Variants in CADM1 observed in about 807,000 individuals in gnomAD.
The protein encoded by CADM1 is TSLC-1.
CADM1 carries 15 observed loss-of-function variants against 53.1 expected under a neutral mutation model. The observed-to-expected ratio is 0.28, with a 90% confidence interval of 0.19 to 0.44. CADM1 has a LOEUF of 0.44. Among genes scored for constraint, CADM1 ranks in the 20% least tolerant of loss-of-function variants. CADM1 has a pLI of 1.00. For missense variants in CADM1, 434 were observed against 611.3 expected, an observed-to-expected ratio of 0.71 and a Z score of 3.06; for synonymous variants, 281 against 243.0, an observed-to-expected ratio of 1.16 and a Z score of -1.45.
intron 1 of CADM1, among the ~76,000 whole-genome samples, chr11:115,407,465 T>C (rs1454211622): frequency 1.3e-5 from 2 of 152,104 alleles, no homozygotes; most frequent in East Asian, 3.9e-4. Flanking sequence ...GGAGCATTTG[T>C]TTTCATTAAG....
intron 1 of CADM1, among the ~76,000 whole-genome samples, chr11:115,330,321 C>T (rs1945097919): frequency 6.6e-6 from 1 of 152,092 alleles, no homozygotes; most frequent in South Asian, 2.1e-4. Flanking sequence ...ACTGAGTTTA[C>T]AAAGCACAGC....
At chr11:115,297,230 G>A (rs146859716) in intron 1 of CADM1, among the ~76,000 whole-genome samples, 11 of 152,304 alleles carry the variant, frequency 7.2e-5, no homozygotes, top group African/African-American at 2.6e-4. Flanking sequence ...GGGAAATTTT[G>A]TGTTAACTAT....
At chr11:115,501,697 G>A (rs527263499) in intron 1 of CADM1, among the ~76,000 whole-genome samples, 1 of 152,216 alleles carries the variant, frequency 6.6e-6, no homozygotes, top group Admixed American at 6.5e-5. Context: ...GTCCTAATTC[G>A]CTTTCCCAGC....
chr11:115,208,001 C>G (rs1426122309), intron 8 of CADM1, among the ~76,000 whole-genome samples: 2 of 152,134 alleles, frequency 1.3e-5, no homozygotes, highest in Admixed American at 1.3e-4. Context: ...CTCTGGAAAT[C>G]AGAGTTAGGA....
At chr11:115,275,557 A>T (rs182142867) in intron 1 of CADM1, among the ~76,000 whole-genome samples, 96 of 152,340 alleles carry the variant, frequency 6.3e-4, no homozygotes, top group Admixed American at 6.3e-3. Flanking sequence ...TAGCATAGGG[A>T]CACATGAATT....
At chr11:115,250,201 C>A (rs1444625905) in intron 1 of CADM1, among the ~76,000 whole-genome samples, 1 of 152,208 alleles carries the variant, frequency 6.6e-6, no homozygotes, top group African/African-American at 2.4e-5. Context: ...CTGTGCCCAC[C>A]CTTACCAGTT....
At chr11:115,503,091 GC>G (rs1455043902) in intron 1 of CADM1, among the ~76,000 whole-genome samples, 2 of 152,152 alleles carry the variant, frequency 1.3e-5, no homozygotes, top group Admixed American at 6.5e-5. Context: ...CCCGCCTGGA[GC>G]CTGCAGCAGG....
chr11:115,333,172 T>A (rs1474088140), intron 1 of CADM1, among the ~76,000 whole-genome samples: 1 of 152,158 alleles, frequency 6.6e-6, no homozygotes, highest in Non-Finnish European at 1.5e-5. Context: ...ATTTTCCCAA[T>A]GGTGTCCTAA....
rs896239337 is a variant in CADM1, at chr11:115,467,843, T to C, written c.124+36428A>G. On this transcript the variant is annotated intron_variant, in intron 1 of 11. Transcript: ENST00000331581. ...AAAAGAAAAAAAATCCAAAGAACTT[T>C]AAAAATTTTTTAAATCACATACCCA... Among the ~76,000 whole-genome samples the C allele has an allele frequency of 2.6e-5, 4 of 152,214 alleles. No homozygotes were observed. In the East Asian group the frequency reaches 7.7e-4, roughly 29 times the overall value.
chr11:115,364,607 C>T (rs1946112066), intron 1 of CADM1, among the ~76,000 whole-genome samples: 1 of 151,964 alleles, frequency 6.6e-6, no homozygotes. Flanking sequence ...CACATCCACT[C>T]TGGTCATATT....
At chr11:115,238,357 A>G (rs1169212918) in intron 3 of CADM1, 143 bp downstream of exon 3, 1 of 912,586 alleles carries the variant, frequency 1.1e-6, no homozygotes, top group Non-Finnish European at 1.8e-6. Flanking sequence ...AAAATAGGCT[A>G]TTTTTAAAAT....
At chr11:115,306,935 C>G (rs1160608479) in intron 1 of CADM1, among the ~76,000 whole-genome samples, 1 of 151,914 alleles carries the variant, frequency 6.6e-6, no homozygotes, top group Non-Finnish European at 1.5e-5. Flanking sequence ...CTTAATTACC[C>G]ATGCTTCACT....
Position 115,175,785 on chromosome 11 carries a change from A to G in CADM1, c.*689T>C, listed in dbSNP as rs1938999486. The G allele has an allele frequency of 1.0e-6, 1 of 993,176 alleles. No homozygotes were observed. Among genetic ancestry groups the G allele is most frequent in the Admixed American group, 5.7e-5 (1 of 17,654 alleles). The allele number at this position is 993,176 out of a possible 1,614,324, so 61.5% of individuals were successfully genotyped here. ...AATGTAGTTCCACAGCAAACAGAAC[A>G]TTTTCTGAATCACAGTCTAATTTTC... On this transcript the variant is annotated 3_prime_UTR_variant, in exon 12 of 12. Transcript: ENST00000331581.
chr11:115,328,934 T>C (rs1243519694), intron 1 of CADM1, among the ~76,000 whole-genome samples: 1 of 150,604 alleles, frequency 6.6e-6, no homozygotes, highest in Non-Finnish European at 1.5e-5. Flanking sequence ...TTCTGTTTTC[T>C]ATATTAACTT....
chr11:115,218,667 CAGAG>C (rs545390524), intron 5 of CADM1, among the ~76,000 whole-genome samples: 1 of 152,278 alleles, frequency 6.6e-6, no homozygotes, highest in South Asian at 2.1e-4. Flanking sequence ...TCCAAGATCA[CAGAG>C]AGAGAGACAG....
At chr11:115,404,844 GAAAAAAAAAAAA>G (rs774430187) in intron 1 of CADM1, among the ~76,000 whole-genome samples, 1 of 52,386 alleles carries the variant, frequency 1.9e-5, no homozygotes, top group South Asian at 6.7e-4. Flanking sequence ...CCTGCCTCAG[GAAAAAAAAAAAA>G]AAAAAAAAGA....
chr11:115,169,462 C>A lies in CADM1; in HGVS notation c.*7012G>T. The A allele has an allele frequency of 5.1e-6, 2 of 393,706 alleles. No homozygotes were observed. Among genetic ancestry groups the A allele is most frequent in the South Asian group, 3.9e-5 (2 of 51,860 alleles). The allele number at this position is 393,706 out of a possible 1,614,324, so 24.4% of individuals were successfully genotyped here. A position where few individuals can be genotyped will look rare whatever the true frequency, so the allele number is the denominator to read the frequency against. On this transcript the variant is annotated 3_prime_UTR_variant, in exon 12 of 12. Transcript: ENST00000331581. ...ATACAATTTCAGCAGCAGCAATGGGCTTTGGCAGGGAAGTAGGAGCAAAAA... is the reference window on the plus strand; with the variant it reads ...ATACAATTTCAGCAGCAGCAATGGGATTTGGCAGGGAAGTAGGAGCAAAAA...
At chr11:115,266,916 T>G (rs576654490) in intron 1 of CADM1, among the ~76,000 whole-genome samples, 1 of 152,394 alleles carries the variant, frequency 6.6e-6, no homozygotes, top group East Asian at 1.9e-4. Context: ...GAAATTGTTT[T>G]AACCGTGATG....
At chr11:115,447,412 G>T (rs756628247) in intron 1 of CADM1, among the ~76,000 whole-genome samples, 1 of 152,126 alleles carries the variant, frequency 6.6e-6, no homozygotes, top group Non-Finnish European at 1.5e-5. Flanking sequence ...TAAAAAAGCA[G>T]CAGCAAAGAC....
Sources: gnomAD v4.1 joint callset for allele counts (sites outside exome capture counted in the v4.1 genomes callset) on GRCh38, gnomAD v4.1.1 for gene constraint, MANE v1.5 for transcripts, NCBI Gene and HGNC (gene_info 2026-07-23, HGNC 2026-07-21) for gene names.